SGCZ: variants seen among roughly 807,000 people sequenced by gnomAD.
SGCZ encodes the protein sarcoglycan zeta, also known as zeta-sarcoglycan.
In SGCZ, 40 loss-of-function variants were observed where a neutral mutation model predicts 41.3. The ratio of observed to expected loss-of-function variants is 0.97; its 90% CI spans 0.75 to 1.26. The LOEUF is 1.26. Ranked by LOEUF, SGCZ falls within the 50% of genes most tolerant of loss-of-function variation. The probability of loss-of-function intolerance (pLI) is 0.00; values close to 1 mark genes in which losing one functional copy is unlikely to be tolerated. For missense variants in SGCZ, 552 were observed against 369.8 expected (o/e 1.49, Z -4.04); for synonymous variants, 206 against 137.5 (o/e 1.50, Z -3.49).
At chr8:14,995,352 G>C (rs367911835) in intron 1 of SGCZ, among the ~76,000 whole-genome samples, 139 of 152,346 alleles carry the variant, frequency 9.1e-4, no homozygotes, top group African/African-American at 3.1e-3. Flanking sequence ...GAAAGGAAGA[G>C]AGAAAGTAAA....
intron 1 of SGCZ, among the ~76,000 whole-genome samples, chr8:15,209,522 TAA>T (rs1801174068): frequency 1.7e-5 from 2 of 117,304 alleles, no homozygotes; most frequent in African/African-American, 6.0e-5. Flanking sequence ...CAGCTTGTGT[TAA>T]ATACCTAAGT....
chr8:14,964,400 A>G (rs1301944825), intron 1 of SGCZ, among the ~76,000 whole-genome samples: 1 of 152,196 alleles, frequency 6.6e-6, no homozygotes, highest in Non-Finnish European at 1.5e-5. Flanking sequence ...TCACCAATAG[A>G]TATCAGGAAG....
chr8:14,175,395 T>C lies in SGCZ; in HGVS notation c.425-10693A>G, dbSNP rs372331814. 3.3e-5 allele frequency among the ~76,000 whole-genome samples: 5 copies of C among 152,208 alleles called. No homozygotes were observed. The East Asian group carries it at 9.7e-4, about 29-fold the overall frequency. ...AAATATGAGTAGATGTAAGAAGTAC[T>C]GAATATAAAAAGCAATAATAATGTC... is the stretch of plus-strand genomic sequence containing the variant. On this transcript the variant is annotated intron_variant, in intron 4 of 7. Coordinates refer to ENST00000382080, the MANE Select transcript of SGCZ (RefSeq NM_139167.4).
At chr8:15,232,498 T>C (rs1801975756) in intron 1 of SGCZ, among the ~76,000 whole-genome samples, 2 of 151,878 alleles carry the variant, frequency 1.3e-5, no homozygotes, top group Admixed American at 1.3e-4. Flanking sequence ...TCTTAATTCT[T>C]TTTCCACTCA....
At chr8:14,967,742 T>C (rs1204905626) in intron 1 of SGCZ, among the ~76,000 whole-genome samples, 1 of 152,134 alleles carries the variant, frequency 6.6e-6, no homozygotes, top group African/African-American at 2.4e-5. Context: ...TGCCTGATTT[T>C]ACTTGCCATT....
At chr8:14,592,630 A>T (rs888201958) in intron 1 of SGCZ, among the ~76,000 whole-genome samples, 1 of 152,174 alleles carries the variant, frequency 6.6e-6, no homozygotes, top group East Asian at 1.9e-4. Flanking sequence ...AAAAAAACAA[A>T]CTTTTAAGCA....
intron 3 of SGCZ, among the ~76,000 whole-genome samples, chr8:14,303,664 G>C (rs1388111383): frequency 6.6e-6 from 1 of 152,094 alleles, no homozygotes; most frequent in Non-Finnish European, 1.5e-5. Flanking sequence ...TGAAACACCA[G>C]TGTCTTCTTG....
chr8:14,109,283 A>AT (rs1396449303), intron 5 of SGCZ, among the ~76,000 whole-genome samples: 1 of 152,100 alleles, frequency 6.6e-6, no homozygotes, highest in Admixed American at 6.6e-5. Context: ...TACTGAATCC[A>AT]TTTTTTTCCA....
At chr8:14,881,862 G>T (rs1310727465) in intron 1 of SGCZ, among the ~76,000 whole-genome samples, 1 of 152,116 alleles carries the variant, frequency 6.6e-6, no homozygotes, top group Non-Finnish European at 1.5e-5. Context: ...CAAAAGAACT[G>T]ACATCATAAC....
intron 5 of SGCZ, among the ~76,000 whole-genome samples, chr8:14,141,648 T>C (rs1409523209): frequency 8.5e-5 from 13 of 152,134 alleles, no homozygotes; most frequent in African/African-American, 3.1e-4. Context: ...ATGGCGATCA[T>C]TAAAAAGTCG....
At chr8:15,176,657 A>G (rs1483560865) in intron 1 of SGCZ, among the ~76,000 whole-genome samples, 1 of 152,258 alleles carries the variant, frequency 6.6e-6, no homozygotes, top group Non-Finnish European at 1.5e-5. Context: ...TAACAAATAC[A>G]GAACAGTTTT....
At chr8:14,997,006 G>C (rs1383661817) in intron 1 of SGCZ, among the ~76,000 whole-genome samples, 1 of 152,200 alleles carries the variant, frequency 6.6e-6, no homozygotes, top group Non-Finnish European at 1.5e-5. Context: ...GAAAAGGGTA[G>C]TTATGTTGTG....
intron 4 of SGCZ, among the ~76,000 whole-genome samples, chr8:14,206,987 G>A (rs1056800142): frequency 6.6e-5 from 10 of 152,082 alleles, no homozygotes; most frequent in Non-Finnish European, 1.0e-4. Flanking sequence ...CTGAGGTTCC[G>A]TCACTGACAT....
At chr8:14,389,186 A>G (rs1356903954) in intron 2 of SGCZ, among the ~76,000 whole-genome samples, 2 of 151,988 alleles carry the variant, frequency 1.3e-5, no homozygotes, top group Non-Finnish European at 2.9e-5. Flanking sequence ...GAAATCACTG[A>G]CAATGTAGTA....
intron 4 of SGCZ, among the ~76,000 whole-genome samples, chr8:14,222,924 G>C (rs1806251724): frequency 6.9e-6 from 1 of 144,104 alleles, no homozygotes; most frequent in Non-Finnish European, 1.5e-5. Context: ...AGACTCTCCT[G>C]TCTCAGCCTT....
intron 1 of SGCZ, among the ~76,000 whole-genome samples, chr8:15,224,793 TA>T (rs1401804873): frequency 3.3e-5 from 5 of 152,164 alleles, no homozygotes; most frequent in African/African-American, 1.2e-4. Flanking sequence ...GTGATATTCG[TA>T]AAAGCTGATA....
intron 1 of SGCZ, among the ~76,000 whole-genome samples, chr8:14,556,382 C>T (rs1804036503): frequency 6.6e-6 from 1 of 151,576 alleles, no homozygotes; most frequent in Admixed American, 6.6e-5. Context: ...AATATATGTA[C>T]TATACAATTA....
chr8:14,820,743 G>A (rs7835573), intron 1 of SGCZ, among the ~76,000 whole-genome samples: 19,446 of 151,708 alleles, frequency 0.13, 1,697 homozygotes, highest in East Asian at 0.27. Context: ...TGAAACCAAT[G>A]GGTTAATGAA....
At position 14,647,834 on chromosome 8, in the gene SGCZ, T is replaced by A. The variant is rs990069156; in HGVS notation, c.40-92908A>T. Among the ~76,000 whole-genome samples the A allele has an allele frequency of 2.6e-5, 4 of 152,082 alleles. No individual in the cohort carries two copies. The South Asian group carries it at 8.3e-4, about 31-fold the overall frequency. On this transcript the variant is annotated intron_variant, in intron 1 of 7. Coordinates refer to ENST00000382080, the MANE Select transcript of SGCZ (RefSeq NM_139167.4). ...ACCACTTCACTATTTTCTTCAGTGT[T>A]CTCATCTGTAAGTTGAAGTTATTGA...
Sources: gnomAD v4.1 joint callset for allele counts (sites outside exome capture counted in the v4.1 genomes callset) on GRCh38, gnomAD v4.1.1 for gene constraint, MANE v1.5 for transcripts, NCBI Gene and HGNC (gene_info 2026-07-23, HGNC 2026-07-21) for gene names.